SFPQ: variants seen among roughly 807,000 people sequenced by gnomAD.
The protein encoded by SFPQ is splicing factor, proline- and glutamine-rich.
A neutral mutation model predicts 72.9 loss-of-function variants in SFPQ; 11 were observed. That is an observed-to-expected ratio of 0.15 (90% confidence interval 0.09 to 0.25). SFPQ has a LOEUF of 0.25. Ranked by LOEUF, SFPQ falls within the 10% of genes least tolerant of loss-of-function variation. SFPQ has a pLI of 1.00. For missense variants in SFPQ, 847 were observed against 993.3 expected, an observed-to-expected ratio of 0.85 and a Z score of 1.98; for synonymous variants, 506 against 367.3, an observed-to-expected ratio of 1.38 and a Z score of -4.32.
At chr1:35,178,615 T>C, downstream of SFPQ, 1 of 1,057,284 alleles carries the variant, frequency 9.5e-7, no homozygotes, top group Non-Finnish European at 1.1e-6. Flanking sequence ...AAGCTATGCC[T>C]TACTGGGACA....
intron 4 of SFPQ, 117 bp from the exon 5 acceptor site, chr1:35,189,499 A>C (rs917892107): frequency 1.4e-5 from 10 of 712,190 alleles, no homozygotes; most frequent in Non-Finnish European, 2.0e-5. Flanking sequence ...AAAGGCAAAA[A>C]TTTTCCTGAT....
At chr1:35,188,153 A>G in intron 6 of SFPQ, 63 bp from the exon 7 acceptor site, 1 of 1,264,050 alleles carries the variant, frequency 7.9e-7, no homozygotes, top group South Asian at 1.2e-5. Context: ...TTCAATGTGA[A>G]GAAACCTAGC....
chr1:35,188,735 T>A (rs1379652707), intron 6 of SFPQ, among the ~76,000 whole-genome samples: 1 of 152,166 alleles, frequency 6.6e-6, no homozygotes, highest in East Asian at 1.9e-4. Context: ...GACAGGTGGA[T>A]CACTTGAGCT....
In SFPQ at chr1:35,187,266, T is replaced by A; in HGVS notation, c.1816-15A>T. 2.5e-6 allele frequency: 4 copies of A among 1,613,394 alleles called. No homozygotes were observed. The East Asian group carries it at 6.7e-5, about 27-fold the overall frequency. On this transcript the variant is annotated splice_polypyrimidine_tract_variant and intron_variant, in intron 7 of 9. Transcript: ENST00000357214. ...TCTCTTTCCCGCTGCAAGAAAAAAA[T>A]TCCTTTCAATATACCTGCACTATAC...
In SFPQ at chr1:35,192,727, T is replaced by C. The variant is rs1283378510; in HGVS notation, c.323A>G (p.Lys108Arg). 1 of 1,494,440 alleles carries C rather than the reference T, an allele frequency of 6.7e-7. No homozygotes were observed. Among genetic ancestry groups the C allele is most frequent in the Admixed American group, 2.2e-5 (1 of 45,606 alleles). The allele number at this position is 1,494,440 out of a possible 1,614,324, so 92.6% of individuals were successfully genotyped here. ...GCCGGGTCCCTGAGCAACGACGGGC[T>C]TGGAAGAGTCCTGCGGCGGTGGCGG... ...QPPPPPQDSSKPVVAQGPGPA... is the reference protein window; with the variant it reads ...QPPPPPQDSSRPVVAQGPGPA... The change falls in exon 1 of 10, where the codon AAG (lysine) becomes AGG (arginine). Residue 108 changes from lysine to arginine, a missense_variant. Lys to Arg is a conservative substitution (Grantham distance 26). This residue lies in a region of SFPQ where 498 missense variants were observed against 405.1 expected (regional missense o/e 1.23). Transcript: ENST00000357214.
chr1:35,192,947 G>A lies in SFPQ; in HGVS notation c.103C>T (p.Pro35Ser). ...TTCTGATTGAGGCCCATGCCGGGCG[G>A]CGGAGAACGGAAGTCGTGGAGGCCG... The part of the protein sequence containing the change: ...RGGLHDFRSP[P>S]PGMGLNQNRG... Residue 35 changes from proline (P) to serine (S), a missense_variant, in exon 1 of 10, where the codon CCG becomes TCG. Coordinates refer to ENST00000357214, the MANE Select transcript of SFPQ (RefSeq NM_005066.3). 2 of 1,586,670 alleles carry A rather than the reference G, an allele frequency of 1.3e-6. No homozygotes were observed. The highest frequency in any genetic ancestry group is 1.7e-6 in the Non-Finnish European group (2 of 1,174,650).
chr1:35,193,082 G>C lies in SFPQ; in HGVS notation c.-33C>G. ...GTCAAGGGGCGGTCGAGGCAAAAGCGAAGAAGACGCTCAGGAAACGTGGAG... is the reference window on the plus strand; with the variant it reads ...GTCAAGGGGCGGTCGAGGCAAAAGCCAAGAAGACGCTCAGGAAACGTGGAG... On this transcript the variant is annotated 5_prime_UTR_variant, in exon 1 of 10. Transcript: ENST00000357214. 6.6e-7 allele frequency: 1 copy of C among 1,516,940 alleles called. No individual in the cohort carries two copies. Among genetic ancestry groups the C allele is most frequent in the Non-Finnish European group, 8.7e-7 (1 of 1,143,436 alleles). 94.0% of individuals were successfully genotyped at this position (1,516,940 alleles called of 1,614,324 possible).
chr1:35,186,000 T>C (rs1457016125), intron 9 of SFPQ, among the ~76,000 whole-genome samples: 2 of 152,178 alleles, frequency 1.3e-5, no homozygotes, highest in African/African-American at 4.8e-5. Context: ...CCACATACTC[T>C]GAAAAATCTA....
chr1:35,187,198 C>CG lies in SFPQ; in HGVS notation c.1864+4_1864+5insC. 1 of 1,614,120 alleles carries CG rather than the reference C, an allele frequency of 6.2e-7. No individual in the cohort carries two copies. The highest frequency in any genetic ancestry group is 1.3e-5 in the African/African-American group (1 of 75,026). Reference sequence around the variant, plus strand: ...TTATATCATTAATTTAAATTTCACACTTACCTCCCATGTTCATTGCTCCTC... The same window carrying CG: ...TTATATCATTAATTTAAATTTCACACGTTACCTCCCATGTTCATTGCTCCTC... On this transcript the variant is annotated splice_donor_region_variant and intron_variant, in intron 8 of 9. Transcript: ENST00000357214.
intron 4 of SFPQ, among the ~76,000 whole-genome samples, chr1:35,189,910 C>T (rs1639911374): frequency 6.6e-6 from 1 of 151,892 alleles, no homozygotes; most frequent in Non-Finnish European, 1.5e-5. Context: ...GAAATCACAC[C>T]ACTGCACTCC....
chr1:35,176,475 C>T (rs1374910499), intron 5 of SFPQ: 1 of 152,008 alleles, frequency 6.6e-6, no homozygotes, highest in Admixed American at 6.6e-5. Flanking sequence ...CCTGATCCTG[C>T]TAATTAAAGG....
Position 35,192,787 on chromosome 1 carries a change from G to A in SFPQ, c.263C>T (p.Pro88Leu), listed in dbSNP as rs1342153943. 3 of 1,500,616 alleles carry A rather than the reference G, an allele frequency of 2.0e-6. No individual in the cohort carries two copies. Among genetic ancestry groups the A allele is most frequent in the Admixed American group, 4.3e-5 (2 of 46,498 alleles). 93.0% of individuals were successfully genotyped at this position (1,500,616 alleles called of 1,614,324 possible). A position where few individuals can be genotyped will look rare whatever the true frequency, so the allele number is the denominator to read the frequency against. The change falls in exon 1 of 10, where the codon CCG (proline) becomes CTG (leucine). Residue 88 changes from proline to leucine, a missense_variant. Pro to Leu is a moderately conservative substitution (Grantham distance 98). Transcript: ENST00000357214. The part of the protein sequence containing the change: ...PPQQPPPHQP[P>L]PHPQPHQQQQ... ...CTGCTGATGCGGCTGTGGATGCGGCGGCGGCTGATGCGGTGGCGGCTGCTG... is the reference window on the plus strand; with the variant it reads ...CTGCTGATGCGGCTGTGGATGCGGCAGCGGCTGATGCGGTGGCGGCTGCTG...
chr1:35,193,105 G>C lies in SFPQ; in HGVS notation c.-56C>G, dbSNP rs371158276. ...GCGAAGAAGACGCTCAGGAAACGTG[G>C]AGGCCACCTTGCTTCTCACAAAATG... On this transcript the variant is annotated 5_prime_UTR_variant, in exon 1 of 10. Transcript: ENST00000357214. 1.3e-6 allele frequency: 2 copies of C among 1,499,126 alleles called. No individual in the cohort carries two copies. The highest frequency in any genetic ancestry group is 1.5e-5 in the African/African-American group (1 of 68,676). 92.9% of individuals were successfully genotyped at this position (1,499,126 alleles called of 1,614,324 possible).
At position 35,192,929 on chromosome 1, in the gene SFPQ, T is replaced by C; in HGVS notation, c.121A>G (p.Asn41Asp). The part of the protein sequence containing the change: ...FRSPPPGMGL[N>D]QNRGPMGPGP... ...GGACCCATGGGGCCGCGATTCTGAT[T>C]GAGGCCCATGCCGGGCGGCGGAGAA... Residue 41 changes from asparagine (N) to aspartate (D), a missense_variant, in exon 1 of 10, where the codon AAT becomes GAT. Physicochemically the swap from Asn to Asp is conservative, Grantham distance 23. Transcript: ENST00000357214. The C allele has an allele frequency of 1.9e-6, 3 of 1,586,878 alleles. No homozygotes were observed. The highest frequency in any genetic ancestry group is 1.7e-5 in the Admixed American group (1 of 57,610).
At chr1:35,187,159 A>AG in intron 8 of SFPQ, 37 bp from the exon 9 acceptor site, 1 of 1,614,064 alleles carries the variant, frequency 6.2e-7, no homozygotes, top group South Asian at 1.1e-5. Context: ...CTCCACCAGG[A>AG]TACTACTCTC....
intron 5 of SFPQ, 27 bp from the exon 6 acceptor site, chr1:35,189,114 A>G: frequency 6.2e-7 from 1 of 1,613,358 alleles, no homozygotes; most frequent in South Asian, 1.1e-5. Context: ...ATTTGGATTC[A>G]CATTAACAAG....
At chr1:35,188,884 C>T in intron 6 of SFPQ, 119 bp downstream of exon 6, 1 of 754,260 alleles carries the variant, frequency 1.3e-6, no homozygotes, top group East Asian at 2.7e-5. Context: ...TCGCTTGAAC[C>T]CAGGAAGCGG....
chr1:35,192,456 AGGCCCTGGACCC>A lies in SFPQ; in HGVS notation c.582_593del (p.Gly195_Pro198del). On this transcript the variant is annotated inframe_deletion, in exon 1 of 10. Coordinates refer to ENST00000357214, the MANE Select transcript of SFPQ (RefSeq NM_005066.3). ...GACCACCCGGACCTGGGCCCTGCTT[AGGCCCTGGACCC>A]GGGCCCGGGACTGCCGCGGGCGGAG... 2.9e-6 allele frequency: 4 copies of A among 1,381,360 alleles called. No homozygotes were observed. Among genetic ancestry groups the A allele is most frequent in the Non-Finnish European group, 3.7e-6 (4 of 1,076,932 alleles). 85.6% of individuals were successfully genotyped at this position (1,381,360 alleles called of 1,614,324 possible).
chr1:35,182,020 T>A (rs1486910862), downstream of SFPQ: 5 of 985,270 alleles, frequency 5.1e-6, no homozygotes, highest in Non-Finnish European at 6.0e-6. Flanking sequence ...TCCATTAGCA[T>A]CCTTCACCAC....
Sources: allele counts gnomAD v4.1 joint callset (sites outside exome capture counted in the v4.1 genomes callset), GRCh38; gene constraint gnomAD v4.1.1; regional missense constraint gnomAD v4.1.1; transcripts MANE v1.5; gene names NCBI Gene and HGNC (gene_info 2026-07-23, HGNC 2026-07-21).